The following INVS variants were observed in gnomAD, a reference collection of about 807,000 sequenced individuals.
The protein encoded by INVS is inversion of embryo turning homolog.
INVS carries 86 observed loss-of-function variants against 108.8 expected under a neutral mutation model. The ratio of observed to expected loss-of-function variants is 0.79; its 90% CI spans 0.66 to 0.95. The LOEUF is 0.95. Ranked by LOEUF, INVS falls within the 40% of genes least tolerant of loss-of-function variation. The probability of loss-of-function intolerance (pLI) is 0.00; values close to 1 mark genes in which losing one functional copy is unlikely to be tolerated. For synonymous variants in INVS, 455 were observed against 473.5 expected (o/e 0.96, Z 0.51); for missense variants, 1,169 against 1,297.4 (o/e 0.90, Z 1.52).
intron 3 of INVS, among the ~76,000 whole-genome samples, chr9:100,192,874 C>A (rs1307523448): frequency 6.6e-6 from 1 of 151,638 alleles, no homozygotes; most frequent in Non-Finnish European, 1.5e-5. Flanking sequence ...TGCTCAAGTC[C>A]TTTACCCATT....
chr9:100,286,497 C>T (rs528763346), intron 13 of INVS, among the ~76,000 whole-genome samples: 3 of 152,204 alleles, frequency 2.0e-5, no homozygotes, highest in Admixed American at 6.5e-5. Flanking sequence ...ACCGAGATTG[C>T]GTCACTGCAC....
intron 3 of INVS, among the ~76,000 whole-genome samples, chr9:100,151,260 G>T (rs1318083715): frequency 6.6e-6 from 1 of 152,098 alleles, no homozygotes; most frequent in Non-Finnish European, 1.5e-5. Flanking sequence ...AGGGTCACTT[G>T]AGCCCAAGAG....
intron 8 of INVS, among the ~76,000 whole-genome samples, chr9:100,251,441 AGAGAG>A (rs1383601955): frequency 6.6e-6 from 1 of 152,268 alleles, no homozygotes; most frequent in African/African-American, 2.4e-5. Context: ...GGAGTAACAT[AGAGAG>A]GAGTCAGTGT....
At chr9:100,246,970 G>A (rs1254935441) in intron 8 of INVS, among the ~76,000 whole-genome samples, 183 bp downstream of exon 8, 1 of 151,886 alleles carries the variant, frequency 6.6e-6, no homozygotes, top group Non-Finnish European at 1.5e-5. Context: ...TTTCTTCCAA[G>A]TATTATGGCA....
intron 2 of INVS, among the ~76,000 whole-genome samples, chr9:100,113,429 T>A (rs191085122): frequency 3.3e-5 from 5 of 152,344 alleles, no homozygotes; most frequent in Admixed American, 3.3e-4. Flanking sequence ...CGAAGTAAAT[T>A]GCTGAAAAGC....
chr9:100,264,943 A>G lies in INVS; in HGVS notation c.1571+15A>G. Reference sequence around the variant, plus strand: ...AATGAAGAGAGGTAAGTTGTTGTTGACTTTTTTTTTTTTTTTTGAGATGGC... The same window carrying G: ...AATGAAGAGAGGTAAGTTGTTGTTGGCTTTTTTTTTTTTTTTTGAGATGGC... On this transcript the variant is annotated intron_variant, in intron 11 of 16. Coordinates refer to ENST00000262457, the MANE Select transcript of INVS (RefSeq NM_014425.5). The G allele has an allele frequency of 1.4e-6, 2 of 1,463,494 alleles. No homozygotes were observed. The highest frequency in any genetic ancestry group is 1.2e-5 in the South Asian group (1 of 82,188). The allele number at this position is 1,463,494 out of a possible 1,614,324, so 90.7% of individuals were successfully genotyped here.
At chr9:100,215,303 A>G (rs1830953275) in intron 3 of INVS, 1 of 152,220 alleles carries the variant, frequency 6.6e-6, no homozygotes, top group South Asian at 2.1e-4. Flanking sequence ...TGGGAAAAAG[A>G]AAGAAGCAAG....
Position 100,292,797 on chromosome 9 carries a change from A to C in INVS, c.2540A>C (p.His847Pro). The C allele has an allele frequency of 6.2e-7, 1 of 1,614,116 alleles. No homozygotes were observed. Among genetic ancestry groups the C allele is most frequent in the Non-Finnish European group, 8.5e-7 (1 of 1,180,022 alleles). The part of the protein sequence containing the change: ...QAKLTGGLYS[H>P]LPQSTEELRS... ...AAGCTCACAGGAGGGCTCTATTCAC[A>C]TTTGCCACAGAGCACAGAGGAGTTG... is the stretch of plus-strand genomic sequence containing the variant. Residue 847 changes from histidine (H) to proline (P), a missense_variant, in exon 14 of 17, where the codon CAT becomes CCT. By Grantham distance (77) the His-to-Pro change is moderately conservative (BLOSUM62 -2). Coordinates refer to ENST00000262457, the MANE Select transcript of INVS (RefSeq NM_014425.5).
chr9:100,143,486 G>C (rs1361080429), intron 3 of INVS, among the ~76,000 whole-genome samples: 1 of 152,046 alleles, frequency 6.6e-6, no homozygotes, highest in African/African-American at 2.4e-5. Context: ...GGGATGGTAA[G>C]GGGTGCAGGA....
intron 3 of INVS, 24 bp from the exon 4 acceptor site, chr9:100,226,038 T>C: frequency 6.3e-7 from 1 of 1,576,540 alleles, no homozygotes; most frequent in East Asian, 2.2e-5. Flanking sequence ...ATTTTTTTCT[T>C]ATCATCTCTT....
intron 2 of INVS, among the ~76,000 whole-genome samples, chr9:100,115,819 G>A (rs1244291837): frequency 6.6e-6 from 1 of 152,156 alleles, no homozygotes; most frequent in African/African-American, 2.4e-5. Context: ...CCAGTAATGG[G>A]ATGGCTGGGT....
intron 10 of INVS, among the ~76,000 whole-genome samples, chr9:100,254,701 A>G (rs1832355966): frequency 6.6e-6 from 1 of 152,040 alleles, no homozygotes; most frequent in African/African-American, 2.4e-5. Flanking sequence ...TGTTTTTGTC[A>G]GGTTTGTCAA....
intron 3 of INVS, among the ~76,000 whole-genome samples, chr9:100,190,748 G>C (rs1351825810): frequency 6.6e-6 from 1 of 152,064 alleles, no homozygotes; most frequent in African/African-American, 2.4e-5. Flanking sequence ...GGTCTAATAA[G>C]TTTTCCTTTA....
intron 12 of INVS, among the ~76,000 whole-genome samples, chr9:100,273,808 G>T (rs1366060577): frequency 6.6e-6 from 1 of 151,634 alleles, no homozygotes; most frequent in African/African-American, 2.4e-5. Flanking sequence ...AAAGTGCTGG[G>T]ATTACAGGCA....
intron 3 of INVS, among the ~76,000 whole-genome samples, chr9:100,170,016 A>G (rs548970867): frequency 1.3e-5 from 2 of 152,182 alleles, no homozygotes; most frequent in Non-Finnish European, 2.9e-5. Context: ...TGAAAATTCT[A>G]TGATTTTACT....
chr9:100,112,054 C>T (rs1827353059), intron 2 of INVS, among the ~76,000 whole-genome samples: 1 of 152,152 alleles, frequency 6.6e-6, no homozygotes, highest in Non-Finnish European at 1.5e-5. Context: ...GTGGTGCAAT[C>T]TCTGCCTTCC....
chr9:100,167,213 G>A (rs1214786571), intron 3 of INVS, among the ~76,000 whole-genome samples: 1 of 151,238 alleles, frequency 6.6e-6, no homozygotes, highest in Non-Finnish European at 1.5e-5. Context: ...GTGGCAGAGG[G>A]AGACTCTATC....
intron 3 of INVS, among the ~76,000 whole-genome samples, chr9:100,135,005 T>A (rs1828177729): frequency 6.6e-6 from 1 of 152,176 alleles, no homozygotes; most frequent in South Asian, 2.1e-4. Flanking sequence ...TGTGGTTACC[T>A]AAAAGATGGG....
chr9:100,296,920 C>A lies in INVS; in HGVS notation c.2790C>A (p.Tyr930Ter), dbSNP rs1833807561. ...AAVIQRAWRSYQLRKHLSHLR... is the reference protein window; with the variant it reads ...AAVIQRAWRS The stretch of plus-strand genomic sequence containing the variant: ...TCCTCTCCTCTGACCCAACCAGCTA[C>A]CAGCTCAGGAAGCACCTGTCCCACC... The change falls in exon 15 of 17, where the codon TAC (tyrosine) becomes TAA (stop). Residue 930 changes from tyrosine (Y) to a stop codon, truncating the protein, a stop_gained. Transcript: ENST00000262457. LOFTEE classifies it high-confidence loss of function. The A allele has an allele frequency of 6.2e-7, 1 of 1,613,788 alleles. No homozygotes were observed. Among genetic ancestry groups the A allele is most frequent in the Non-Finnish European group, 8.5e-7 (1 of 1,179,892 alleles).
Sources: gnomAD v4.1 joint callset for allele counts (sites outside exome capture counted in the v4.1 genomes callset) on GRCh38, gnomAD v4.1.1 for gene constraint, MANE v1.5 for transcripts, NCBI Gene and HGNC (gene_info 2026-07-23, HGNC 2026-07-21) for gene names.